The following TPD52L1 variants were observed in gnomAD, a reference collection of about 807,000 sequenced individuals.
TPD52L1 encodes TPD52 like 1, also known as tumor protein D53.
Under a neutral mutation model 28.7 loss-of-function variants are expected in TPD52L1, and 18 were observed. That is an observed-to-expected ratio of 0.63 (90% CI 0.43 to 0.93). The LOEUF (loss-of-function observed/expected upper bound fraction) is 0.93. Among genes scored for constraint, TPD52L1 ranks in the 40% least tolerant of loss-of-function variants. The pLI is 0.00. For missense variants in TPD52L1, 203 were observed against 254.8 expected (o/e 0.80, Z 1.39); for synonymous variants, 75 against 88.8 (o/e 0.84, Z 0.88).
chr6:125,256,219 G>A (rs1282894728), intron 5 of TPD52L1, among the ~76,000 whole-genome samples: 2 of 152,198 alleles, frequency 1.3e-5, no homozygotes, highest in South Asian at 2.1e-4. Context: ...ATGTGGTGGT[G>A]GGCACCTGCA....
At chr6:125,156,201 C>A (rs2087826713) in intron 1 of TPD52L1, among the ~76,000 whole-genome samples, 2 of 152,150 alleles carry the variant, frequency 1.3e-5, no homozygotes, top group African/African-American at 4.8e-5. Flanking sequence ...CAGTGGCTTA[C>A]ACTTGTAATC....
At chr6:125,184,384 C>T (rs1792444788) in intron 1 of TPD52L1, among the ~76,000 whole-genome samples, 1 of 152,144 alleles carries the variant, frequency 6.6e-6, no homozygotes, top group African/African-American at 2.4e-5. Context: ...CTGATGCCTC[C>T]AAGACTGTGC....
chr6:125,181,949 C>T (rs1792221555), intron 1 of TPD52L1, among the ~76,000 whole-genome samples: 1 of 152,168 alleles, frequency 6.6e-6, no homozygotes, highest in Non-Finnish European at 1.5e-5. Flanking sequence ...GTTGGCTTTG[C>T]ACAGCCACTC....
chr6:125,172,738 C>G (rs1791578057), intron 1 of TPD52L1, among the ~76,000 whole-genome samples: 1 of 149,876 alleles, frequency 6.7e-6, no homozygotes, highest in Non-Finnish European at 1.5e-5. Context: ...AGATATTTTG[C>G]TGTTGGTCAC....
intron 1 of TPD52L1, among the ~76,000 whole-genome samples, chr6:125,191,103 G>T (rs1427113026): frequency 6.6e-6 from 1 of 152,170 alleles, no homozygotes; most frequent in African/African-American, 2.4e-5. Flanking sequence ...AAATTCACTT[G>T]TCCTCACAAC....
chr6:125,184,318 A>AT (rs61489681), intron 1 of TPD52L1, among the ~76,000 whole-genome samples: 2 of 152,152 alleles, frequency 1.3e-5, no homozygotes, highest in African/African-American at 4.8e-5. Flanking sequence ...AATGGATGGG[A>AT]TTTTTTTGAC....
intron 1 of TPD52L1, among the ~76,000 whole-genome samples, chr6:125,171,175 C>T (rs1402026958): frequency 6.6e-6 from 1 of 152,062 alleles, no homozygotes; most frequent in Non-Finnish European, 1.5e-5. Context: ...TCTACCAAAT[C>T]GGAAACTTTG....
At chr6:125,246,586 A>G (rs563693675) in intron 3 of TPD52L1, among the ~76,000 whole-genome samples, 1 of 152,362 alleles carries the variant, frequency 6.6e-6, no homozygotes, top group East Asian at 1.9e-4. Flanking sequence ...ATGTTTTTCC[A>G]AAATTAAAAG....
intron 1 of TPD52L1, among the ~76,000 whole-genome samples, chr6:125,158,822 T>C (rs1790317290): frequency 6.6e-6 from 1 of 152,240 alleles, no homozygotes; most frequent in South Asian, 2.1e-4. Context: ...AATATTGGAA[T>C]ACAGCGAGTC....
intron 1 of TPD52L1, among the ~76,000 whole-genome samples, chr6:125,158,091 A>C (rs1790258363): frequency 6.6e-6 from 1 of 152,102 alleles, no homozygotes; most frequent in Non-Finnish European, 1.5e-5. Context: ...CTCTCTTATA[A>C]GGACACTTGT....
chr6:125,239,572 G>C (rs1796495124), intron 3 of TPD52L1, among the ~76,000 whole-genome samples: 1 of 152,150 alleles, frequency 6.6e-6, no homozygotes, highest in Admixed American at 6.5e-5. Context: ...TCTCCCACCA[G>C]GTCCCTCCCA....
At chr6:125,158,071 C>T (rs2114728522) in intron 1 of TPD52L1, among the ~76,000 whole-genome samples, 1 of 152,250 alleles carries the variant, frequency 6.6e-6, no homozygotes, top group East Asian at 1.9e-4. Context: ...CATCAAACCT[C>T]CCTCTGCCTC....
At chr6:125,257,349 T>C (rs1465910368) in intron 6 of TPD52L1, among the ~76,000 whole-genome samples, 191 bp downstream of exon 6, 2 of 152,268 alleles carry the variant, frequency 1.3e-5, no homozygotes, top group Non-Finnish European at 2.9e-5. Context: ...GAGTTGTTTG[T>C]ATAAACCATT....
At chr6:125,183,935 T>C (rs1303331153) in intron 1 of TPD52L1, among the ~76,000 whole-genome samples, 2 of 152,168 alleles carry the variant, frequency 1.3e-5, no homozygotes, top group African/African-American at 4.8e-5. Context: ...AAATTAAAAA[T>C]ATTAAATTAT....
At chr6:125,170,430 T>C (rs985821585) in intron 1 of TPD52L1, among the ~76,000 whole-genome samples, 2 of 151,606 alleles carry the variant, frequency 1.3e-5, no homozygotes, top group Non-Finnish European at 2.9e-5. Context: ...ATTTATTTAC[T>C]ATCCAGGATA....
intron 1 of TPD52L1, among the ~76,000 whole-genome samples, chr6:125,171,344 G>A (rs1791287206): frequency 1.3e-5 from 2 of 152,154 alleles, no homozygotes; most frequent in South Asian, 4.1e-4. Flanking sequence ...GTGACCCCCA[G>A]TGATTTCCAG....
intron 2 of TPD52L1, among the ~76,000 whole-genome samples, chr6:125,221,646 T>C (rs938540306): frequency 2.0e-5 from 3 of 152,218 alleles, no homozygotes; most frequent in African/African-American, 7.2e-5. Flanking sequence ...GTGAGCATGA[T>C]ACTACTTTTA....
At chr6:125,183,842 T>C (rs984072616) in intron 1 of TPD52L1, among the ~76,000 whole-genome samples, 12 of 152,166 alleles carry the variant, frequency 7.9e-5, no homozygotes, top group African/African-American at 2.9e-4. Flanking sequence ...TGGATTATGA[T>C]AGTGATTGGG....
chr6:125,188,344 T>C (rs1792791172), intron 1 of TPD52L1, among the ~76,000 whole-genome samples: 1 of 152,190 alleles, frequency 6.6e-6, no homozygotes, highest in East Asian at 1.9e-4. Flanking sequence ...GTGTTCTTAG[T>C]GTAGCTAAAA....
Sources: allele counts gnomAD v4.1 joint callset (sites outside exome capture counted in the v4.1 genomes callset), GRCh38; gene constraint gnomAD v4.1.1; transcripts MANE v1.5; gene names NCBI Gene and HGNC (gene_info 2026-07-23, HGNC 2026-07-21).